The following UPRT variants were observed in gnomAD, a reference collection of about 807,000 sequenced individuals.
The protein encoded by UPRT is RP11-311P8.3.
UPRT carries 5 observed loss-of-function variants against 22.6 expected under a neutral mutation model. That is an observed-to-expected ratio of 0.22 (90% CI 0.12 to 0.47). The LOEUF (loss-of-function observed/expected upper bound fraction) is 0.47. Among genes scored for constraint, UPRT ranks in the 20% least tolerant of loss-of-function variants. UPRT has a pLI of 0.99. For missense variants in UPRT, 181 were observed against 239.9 expected (o/e 0.75, Z 1.62); for synonymous variants, 77 against 87.7 (o/e 0.88, Z 0.68).
chrX:75,192,546 C>T (rs1422401879), intron 4 of UPRT, among the ~76,000 whole-genome samples: 3 of 111,443 alleles, frequency 2.7e-5, no homozygotes, highest in Non-Finnish European at 5.7e-5. Flanking sequence ...ATATGTCTCA[C>T]ATGGTCAATG....
At chrX:75,249,320 C>T (rs1011383360) in intron 4 of UPRT, among the ~76,000 whole-genome samples, 15 of 111,345 alleles carry the variant, frequency 1.3e-4, no homozygotes, top group East Asian at 8.4e-4. Context: ...ACCCATCTCA[C>T]GTGCAGAGAA....
In UPRT at chrX:75,260,973, G is replaced by T. The variant is rs142357908; in HGVS notation, c.-446-30051G>T. ...CTCACACAAAACTGCACAACTACATGGAAACTAAACAACTTGCTCCTGAAT... is the reference window on the plus strand; with the variant it reads ...CTCACACAAAACTGCACAACTACATTGAAACTAAACAACTTGCTCCTGAAT... On this transcript the variant is annotated intron_variant, in intron 4 of 13. Coordinates refer to the UPRT transcript ENST00000652605. 7.9e-3 allele frequency among the ~76,000 whole-genome samples: 889 copies of T among 112,034 alleles called. 11 individuals carry two copies. Among genetic ancestry groups the T allele is most frequent in the African/African-American group, 0.027 (819 of 30,815 alleles).
In UPRT at chrX:75,199,491, C is replaced by A. The variant is rs938390689; in HGVS notation, c.-447+31612C>A. ...ACTCATCACCTGTTGACTAAAGAGC[C>A]CTTGGTCACTGAATAATCAGCAGCA... On this transcript the variant is annotated intron_variant, in intron 4 of 13. Transcript: ENST00000652605. Among the ~76,000 whole-genome samples, 6 of 110,926 alleles carry A rather than the reference C, an allele frequency of 5.4e-5. No homozygotes were observed. The East Asian group carries it at 1.1e-3, about 21-fold the overall frequency.
At chrX:75,272,504 T>A (rs1241792984), upstream of UPRT, among the ~76,000 whole-genome samples, 6 of 107,482 alleles carry the variant, frequency 5.6e-5, no homozygotes, top group Non-Finnish European at 9.6e-5. Flanking sequence ...ACATTGTATG[T>A]TCTCACTCAT....
At chrX:75,188,039 C>T (rs1168460805) in intron 4 of UPRT, among the ~76,000 whole-genome samples, 2 of 112,468 alleles carry the variant, frequency 1.8e-5, no homozygotes, top group East Asian at 2.8e-4. Context: ...AGTCATTCTC[C>T]GTCCAGCTTT....
intron 4 of UPRT, among the ~76,000 whole-genome samples, chrX:75,180,710 T>G (rs1401302943): frequency 3.1e-4 from 30 of 97,011 alleles, no homozygotes; most frequent in South Asian, 1.0e-3. Flanking sequence ...TTTTTTTTTT[T>G]TTTTTTTTTT....
chrX:75,283,643 G>A (rs1482491958), intron 1 of UPRT, among the ~76,000 whole-genome samples: 2 of 111,847 alleles, frequency 1.8e-5, no homozygotes, highest in Non-Finnish European at 3.8e-5. Context: ...CTCATAGCTT[G>A]TAGGGTTTCT....
intron 1 of UPRT, among the ~76,000 whole-genome samples, chrX:75,157,583 T>G: frequency 8.9e-6 from 1 of 112,164 alleles, no homozygotes; most frequent in Non-Finnish European, 1.9e-5. Context: ...GTTAATACTT[T>G]ATCCTATAAC....
At chrX:75,262,446 A>G (rs755332426) in intron 4 of UPRT, among the ~76,000 whole-genome samples, 1 of 111,811 alleles carries the variant, frequency 8.9e-6, no homozygotes, top group Non-Finnish European at 1.9e-5. Flanking sequence ...TTAAACTTAA[A>G]TGTAAATAGG....
At chrX:75,252,989 CAAT>C (rs779959543) in intron 4 of UPRT, among the ~76,000 whole-genome samples, 60 of 110,305 alleles carry the variant, frequency 5.4e-4, no homozygotes, top group African/African-American at 1.9e-3. Flanking sequence ...GAGAATTGAA[CAAT>C]GAGAACACAT....
intron 4 of UPRT, among the ~76,000 whole-genome samples, chrX:75,192,143 G>A (rs764449840): frequency 2.7e-5 from 3 of 111,697 alleles, no homozygotes; most frequent in Non-Finnish European, 3.8e-5. Context: ...GTTTGTAACC[G>A]AGAGATTCTG....
chrX:75,217,283 T>C (rs1285057567), intron 4 of UPRT, among the ~76,000 whole-genome samples: 2 of 111,352 alleles, frequency 1.8e-5, no homozygotes, highest in Admixed American at 9.6e-5. Flanking sequence ...GACTTGGCGA[T>C]GCGGGCTCTT....
chrX:75,288,620 A>G (rs1479187811), intron 1 of UPRT, among the ~76,000 whole-genome samples: 3 of 112,272 alleles, frequency 2.7e-5, no homozygotes, highest in Non-Finnish European at 3.8e-5. Flanking sequence ...TTGATAAAGT[A>G]TACCATCCAT....
chrX:75,292,475 G>A (rs1430708676), intron 1 of UPRT, among the ~76,000 whole-genome samples: 1 of 111,812 alleles, frequency 8.9e-6, no homozygotes, highest in Non-Finnish European at 1.9e-5. Context: ...GAAACCTAAT[G>A]CCATTTGTGT....
At chrX:75,266,517 G>A (rs748015188) in intron 4 of UPRT, among the ~76,000 whole-genome samples, 7 of 111,356 alleles carry the variant, frequency 6.3e-5, no homozygotes, top group Non-Finnish European at 1.3e-4. Context: ...TACCATTCAG[G>A]ACATAGGCAT....
intron 1 of UPRT, among the ~76,000 whole-genome samples, chrX:75,289,235 G>C (rs1298250140): frequency 9.0e-6 from 1 of 110,644 alleles, no homozygotes; most frequent in Non-Finnish European, 1.9e-5. Context: ...AAAATACCTA[G>C]GAATACATCT....
chrX:75,156,491 G>GTA (rs1009505320), exon 1 of UPRT, among the ~76,000 whole-genome samples: 1 of 111,808 alleles, frequency 8.9e-6, no homozygotes, highest in Non-Finnish European at 1.9e-5. Flanking sequence ...GAATATTGGA[G>GTA]TAACACTGTA....
At chrX:75,294,052 T>C in intron 2 of UPRT, among the ~76,000 whole-genome samples, 1 of 110,490 alleles carries the variant, frequency 9.1e-6, no homozygotes, top group Non-Finnish European at 1.9e-5. Context: ...GTTTAGCTAG[T>C]GTGATCTGAG....
At chrX:75,183,520 TC>T (rs2147611889) in intron 4 of UPRT, among the ~76,000 whole-genome samples, 1 of 112,199 alleles carries the variant, frequency 8.9e-6, no homozygotes, top group African/African-American at 3.2e-5. Flanking sequence ...TGATTTATAA[TC>T]CTTTGGGTAT....
Sources: allele counts gnomAD v4.1 joint callset (sites outside exome capture counted in the v4.1 genomes callset), GRCh38; gene constraint gnomAD v4.1.1; transcripts MANE v1.5; gene names NCBI Gene and HGNC (gene_info 2026-07-23, HGNC 2026-07-21).